The following SLC24A2 variants were observed in gnomAD, a reference collection of about 807,000 sequenced individuals.
SLC24A2 encodes the protein solute carrier family 24 member 2.
In SLC24A2, 36 loss-of-function variants were observed where a neutral mutation model predicts 62.0. That is an observed-to-expected ratio of 0.58 (90% CI 0.44 to 0.77). The LOEUF is 0.77. SLC24A2 is among the 30% of genes least tolerant of loss of function. SLC24A2 has a pLI of 0.00. For missense variants in SLC24A2, 846 were observed against 817.9 expected, an observed-to-expected ratio of 1.03 and a Z score of -0.42; for synonymous variants, 358 against 294.0, an observed-to-expected ratio of 1.22 and a Z score of -2.23.
At chr9:19,888,334 A>C in the SLC24A2 span, among the ~76,000 whole-genome samples, 1 of 152,286 alleles carries the variant, frequency 6.6e-6, no homozygotes, top group East Asian at 1.9e-4. Flanking sequence ...CCATTTTCCA[A>C]AATTTGCCCT....
chr9:20,255,444 A>T, the SLC24A2 span, among the ~76,000 whole-genome samples: 164 of 152,320 alleles, frequency 1.1e-3, 1 homozygote, highest in African/African-American at 3.9e-3. Context: ...TTTCCTTGTG[A>T]ATCTGCAGTT....
At chr9:19,838,284 T>A in the SLC24A2 span, among the ~76,000 whole-genome samples, 13 of 152,240 alleles carry the variant, frequency 8.5e-5, no homozygotes, top group East Asian at 2.5e-3. Context: ...AACTATCTGA[T>A]CTTTGACAAA....
chr9:19,665,195 G>C (rs1031878947), intron 2 of SLC24A2, among the ~76,000 whole-genome samples: 13 of 152,194 alleles, frequency 8.5e-5, no homozygotes, highest in African/African-American at 3.1e-4. Flanking sequence ...TGCAAGGCAT[G>C]GCCCTGGATA....
At chr9:19,613,247 C>G (rs1325133613) in intron 4 of SLC24A2, among the ~76,000 whole-genome samples, 4 of 152,194 alleles carry the variant, frequency 2.6e-5, no homozygotes, top group Non-Finnish European at 5.9e-5. Flanking sequence ...TGATTGATCA[C>G]CAGAAAAGAC....
the SLC24A2 span, among the ~76,000 whole-genome samples, chr9:19,806,735 G>C: frequency 6.6e-6 from 1 of 152,190 alleles, no homozygotes; most frequent in Non-Finnish European, 1.5e-5. Flanking sequence ...GAGAAAGAGA[G>C]TTAATCCATA....
chr9:20,275,912 T>C, the SLC24A2 span, among the ~76,000 whole-genome samples: 5 of 152,196 alleles, frequency 3.3e-5, no homozygotes, highest in African/African-American at 9.6e-5. Flanking sequence ...ACTTATTCAC[T>C]ATCGTGAGAA....
chr9:20,019,303 G>GAAA, the SLC24A2 span, among the ~76,000 whole-genome samples: 1 of 147,650 alleles, frequency 6.8e-6, no homozygotes, highest in Non-Finnish European at 1.5e-5. Context: ...AAGAAAGAAA[G>GAAA]AAAGAAAGAA....
intron 2 of SLC24A2, among the ~76,000 whole-genome samples, chr9:19,774,268 C>T (rs1349707718): frequency 6.6e-6 from 1 of 152,102 alleles, no homozygotes; most frequent in East Asian, 1.9e-4. Flanking sequence ...AATTCATACC[C>T]TCCCTATGAG....
chr9:19,737,990 G>A (rs1218951715), intron 2 of SLC24A2, among the ~76,000 whole-genome samples: 3 of 151,994 alleles, frequency 2.0e-5, no homozygotes, highest in South Asian at 2.1e-4. Flanking sequence ...TTGCTCAGAT[G>A]GCATACACAA....
the SLC24A2 span, among the ~76,000 whole-genome samples, chr9:20,213,747 T>C: frequency 3.9e-5 from 6 of 152,204 alleles, no homozygotes; most frequent in Non-Finnish European, 8.8e-5. Context: ...TAAAAACTTA[T>C]GTAAACTAAT....
the SLC24A2 span, among the ~76,000 whole-genome samples, chr9:20,191,212 T>C: frequency 6.6e-6 from 1 of 152,066 alleles, no homozygotes; most frequent in Non-Finnish European, 1.5e-5. Context: ...CTTACTTCCA[T>C]TCATAAAAAC....
the SLC24A2 span, among the ~76,000 whole-genome samples, chr9:20,239,912 C>A: frequency 6.6e-6 from 1 of 150,572 alleles, no homozygotes; most frequent in Admixed American, 6.7e-5. Context: ...TGATTCGAAC[C>A]AGCTGTGAAC....
chr9:19,563,830 C>CT (rs1563968846), intron 7 of SLC24A2, among the ~76,000 whole-genome samples: 1 of 68,776 alleles, frequency 1.5e-5, no homozygotes, highest in African/African-American at 8.2e-5. Context: ...TCCTTCCTCC[C>CT]TCCCTCCCTC....
chr9:20,292,076 G>A, the SLC24A2 span, among the ~76,000 whole-genome samples: 1 of 152,192 alleles, frequency 6.6e-6, no homozygotes, highest in Admixed American at 6.5e-5. Context: ...TGGATGCAAA[G>A]GCTGGGGTGT....
the SLC24A2 span, among the ~76,000 whole-genome samples, chr9:19,877,997 AG>A: frequency 6.6e-6 from 1 of 152,152 alleles, no homozygotes; most frequent in East Asian, 1.9e-4. Context: ...AACACCAGAA[AG>A]GGAAGATATT....
the SLC24A2 span, among the ~76,000 whole-genome samples, chr9:20,084,975 C>T: frequency 6.6e-6 from 1 of 152,092 alleles, no homozygotes; most frequent in African/African-American, 2.4e-5. Context: ...AAAGACAGGG[C>T]AAGTCTCAAG....
intron 2 of SLC24A2, among the ~76,000 whole-genome samples, chr9:19,678,674 C>G (rs539427997): frequency 2.6e-5 from 4 of 152,148 alleles, no homozygotes; most frequent in African/African-American, 9.7e-5. Flanking sequence ...TTTCAACTAA[C>G]AGAAATTAGG....
chr9:20,007,902 TTTTTTTTTTTTTTG>T, the SLC24A2 span, among the ~76,000 whole-genome samples: 2 of 121,492 alleles, frequency 1.6e-5, no homozygotes, highest in South Asian at 7.1e-4. Flanking sequence ...TTTTTTTTTT[TTTTTTTTTTTTTTG>T]ACAGAGCCTC....
the SLC24A2 span, among the ~76,000 whole-genome samples, chr9:20,103,129 G>T: frequency 2.0e-5 from 3 of 152,218 alleles, no homozygotes; most frequent in Non-Finnish European, 4.4e-5. Flanking sequence ...CTGCAAGGTG[G>T]CAGCCAGGCT....
Sources: gnomAD v4.1 joint callset for allele counts (sites outside exome capture counted in the v4.1 genomes callset) on GRCh38, gnomAD v4.1.1 for gene constraint, MANE v1.5 for transcripts, NCBI Gene and HGNC (gene_info 2026-07-23, HGNC 2026-07-21) for gene names.